AQR: variants seen among roughly 807,000 people sequenced by gnomAD.
AQR encodes RNA helicase aquarius.
AQR carries 61 observed loss-of-function variants against 180.5 expected under a neutral mutation model. That is an observed-to-expected ratio of 0.34 (90% CI 0.28 to 0.42). The LOEUF (loss-of-function observed/expected upper bound fraction) is 0.42, where lower values mean the gene tolerates loss of function less well. Among genes scored for constraint, AQR ranks in the 10% least tolerant of loss-of-function variants. AQR has a pLI of 1.00. For synonymous variants in AQR, 551 were observed against 588.8 expected, an observed-to-expected ratio of 0.94 and a Z score of 0.93; for missense variants, 1,281 against 1,798.3, an observed-to-expected ratio of 0.71 and a Z score of 5.20.
At chr15:34,881,360 C>A (rs1459827428) in intron 27 of AQR, among the ~76,000 whole-genome samples, 1 of 152,200 alleles carries the variant, frequency 6.6e-6, no homozygotes, top group South Asian at 2.1e-4. Context: ...TAGCGCCTAT[C>A]TTTCAGTGAG....
rs894739071 is a variant in AQR, at chr15:34,865,430, A to G, written c.3854+2094T>C. On this transcript the variant is annotated intron_variant, in intron 32 of 34. Coordinates refer to ENST00000156471, the MANE Select transcript of AQR (RefSeq NM_014691.3). ...AAGCTGGCTCCAACCCAATCACCCAATTAGTCCACCCTGGCTGAAAAAAAG... is the reference window on the plus strand; with the variant it reads ...AAGCTGGCTCCAACCCAATCACCCAGTTAGTCCACCCTGGCTGAAAAAAAG... 1.1e-4 allele frequency among the ~76,000 whole-genome samples: 17 copies of G among 152,280 alleles called. 3 individuals carry two copies. Among genetic ancestry groups the G allele is most frequent in the South Asian group, 6.2e-4 (3 of 4,820 alleles).
Position 34,946,743 on chromosome 15 carries a change from C to T in AQR, c.330+1521G>A, listed in dbSNP as rs1170167845. ...CCCCCACCCGGCCAGCCGCCCCGTC[C>T]GGGAGGGAGGGAGGTGGGGGGGTCA... On this transcript the variant is annotated intron_variant, in intron 5 of 34. Transcript: ENST00000156471. Among the ~76,000 whole-genome samples the T allele has an allele frequency of 4.3e-5, 6 of 141,076 alleles. No homozygotes were observed. The South Asian group carries it at 1.1e-3, about 26-fold the overall frequency. 92.6% of individuals were successfully genotyped at this position (141,076 alleles called of 152,430 possible).
intron 20 of AQR, among the ~76,000 whole-genome samples, chr15:34,898,332 T>G (rs1893279071): frequency 6.6e-6 from 1 of 152,206 alleles, no homozygotes; most frequent in Non-Finnish European, 1.5e-5. Flanking sequence ...AAATTCATTC[T>G]CTATGTGTAC....
intron 27 of AQR, 28 bp from the exon 28 acceptor site, chr15:34,876,034 G>C (rs746581556): frequency 2.5e-6 from 4 of 1,571,438 alleles, no homozygotes; most frequent in Non-Finnish European, 2.6e-6. Flanking sequence ...TTGTCATAAA[G>C]ACAGCTTAAA....
rs12594085 is a variant in AQR at position 34,938,723 on chromosome 15, A to G, written c.718+14T>C. 807,612 of 1,478,898 alleles carry G rather than the reference A, an allele frequency of 0.55. 228,421 individuals are homozygous for G. The highest frequency in any genetic ancestry group is 0.59 in the Non-Finnish European group (628,874 of 1,074,076). 91.6% of individuals were successfully genotyped at this position (1,478,898 alleles called of 1,614,324 possible). A position where few individuals can be genotyped will look rare whatever the true frequency, so the allele number is the denominator to read the frequency against. ...TGATAATTTCACAAATGCACTGAGT[A>G]AAAAAGAAGATACCAGAAAGTGGGA... On this transcript the variant is annotated intron_variant, in intron 9 of 34. Coordinates refer to ENST00000156471, the MANE Select transcript of AQR (RefSeq NM_014691.3).
At chr15:34,942,171 T>C (rs1894033271) in intron 6 of AQR, 91 bp from the exon 7 acceptor site, 5 of 829,234 alleles carry the variant, frequency 6.0e-6, no homozygotes, top group South Asian at 2.4e-5. Context: ...TTTTAAGTCC[T>C]GGAGGGAAAA....
At chr15:34,931,152 G>A (rs773058479) in intron 11 of AQR, among the ~76,000 whole-genome samples, 6 of 151,866 alleles carry the variant, frequency 4.0e-5, no homozygotes, top group African/African-American at 9.7e-5. Context: ...CTTCTTTTAG[G>A]GAAAAACACT....
chr15:34,957,838 G>A (rs1021889078), intron 3 of AQR, among the ~76,000 whole-genome samples: 3 of 150,810 alleles, frequency 2.0e-5, no homozygotes, highest in African/African-American at 7.3e-5. Context: ...ACGTGTCCAA[G>A]ATAAGAAAAC....
intron 9 of AQR, among the ~76,000 whole-genome samples, chr15:34,937,436 T>C (rs1438794282): frequency 6.6e-6 from 1 of 152,220 alleles, no homozygotes; most frequent in Non-Finnish European, 1.5e-5. Flanking sequence ...AGATTTTCAA[T>C]TGTAAAATAT....
At chr15:34,890,452 A>T (rs1357110467) in intron 23 of AQR, 128 bp from the exon 24 acceptor site, 12 of 728,618 alleles carry the variant, frequency 1.6e-5, no homozygotes, top group Non-Finnish European at 2.7e-5. Context: ...TTAATCAAAT[A>T]GTATTTATAT....
In AQR at chr15:34,906,669, G is replaced by A. The variant is rs768954389; in HGVS notation, c.1707C>T (p.Pro569=). Reference sequence around the variant, plus strand: ...CAAACTTAGTGCCATAAGGTTTTGTGGGACGTACGGTAATTAAAAAGCATA... The same window carrying A: ...CAAACTTAGTGCCATAAGGTTTTGTAGGACGTACGGTAATTAAAAAGCATA... ...HDVCFLITVR[P]TKPYGTKFDR... is the part of the protein sequence containing the mutation. Residue 569 remains proline (P), a synonymous_variant, in exon 18 of 35, where the codon CCC becomes CCT. Transcript: ENST00000156471. 1 of 1,613,934 alleles carries A rather than the reference G, an allele frequency of 6.2e-7. No individual in the cohort carries two copies. Among genetic ancestry groups the A allele is most frequent in the Non-Finnish European group, 8.5e-7 (1 of 1,179,932 alleles).
chr15:34,900,084 G>A (rs963286466), intron 20 of AQR, among the ~76,000 whole-genome samples: 1 of 151,706 alleles, frequency 6.6e-6, no homozygotes, highest in Admixed American at 6.6e-5. Flanking sequence ...TTAGAGATGG[G>A]GTCTCGCTAT....
rs755780575 is a variant in AQR, at chr15:34,952,940, TA to T, written c.174-21del. ...GCAAACCTGAAAACATAAAAATAAA[TA>T]AAATGTTTAAAATAGAGAATACAAA... On this transcript the variant is annotated intron_variant, in intron 3 of 34. Transcript: ENST00000156471. 1.5e-6 allele frequency: 2 copies of T among 1,299,956 alleles called. No individual in the cohort carries two copies. The highest frequency in any genetic ancestry group is 4.4e-5 in the Admixed American group (2 of 45,348). The allele number at this position is 1,299,956 out of a possible 1,614,324, so 80.5% of individuals were successfully genotyped here. A position where few individuals can be genotyped will look rare whatever the true frequency, so the allele number is the denominator to read the frequency against.
chr15:34,874,986 C>G, intron 28 of AQR, 122 bp from the exon 29 acceptor site: 1 of 908,766 alleles, frequency 1.1e-6, no homozygotes, highest in Non-Finnish European at 1.6e-6. Context: ...CAAACTTTAC[C>G]AGCTCCACAA....
intron 3 of AQR, among the ~76,000 whole-genome samples, chr15:34,957,844 A>G (rs1373400281): frequency 6.6e-6 from 1 of 152,100 alleles, no homozygotes; most frequent in East Asian, 1.9e-4. Flanking sequence ...CCAAGATAAG[A>G]AAACGACTGT....
chr15:34,968,351 C>G (rs944575360), intron 1 of AQR, among the ~76,000 whole-genome samples: 1 of 151,674 alleles, frequency 6.6e-6, no homozygotes, highest in African/African-American at 2.4e-5. Context: ...CTCCCGGGTT[C>G]ACGCCATTCT....
chr15:34,919,030 G>A (rs546885236), intron 14 of AQR, among the ~76,000 whole-genome samples: 3 of 152,210 alleles, frequency 2.0e-5, no homozygotes, highest in African/African-American at 7.2e-5. Flanking sequence ...CCTGAGGTGA[G>A]GAGTTCAAGA....
At chr15:34,923,314 G>C (rs1170848709) in intron 13 of AQR, among the ~76,000 whole-genome samples, 1 of 152,156 alleles carries the variant, frequency 6.6e-6, no homozygotes, top group African/African-American at 2.4e-5. Context: ...GGGGGCTGCT[G>C]TATTGAGTTC....
At chr15:34,880,909 T>C (rs1192890290) in intron 27 of AQR, among the ~76,000 whole-genome samples, 2 of 152,144 alleles carry the variant, frequency 1.3e-5, no homozygotes, top group Non-Finnish European at 2.9e-5. Context: ...TTTTGTTAAG[T>C]GGACCTACAA....
Sources: allele counts gnomAD v4.1 joint callset (sites outside exome capture counted in the v4.1 genomes callset), GRCh38; gene constraint gnomAD v4.1.1; transcripts MANE v1.5; gene names NCBI Gene and HGNC (gene_info 2026-07-23, HGNC 2026-07-21).